The following TERF1 variants were observed in gnomAD, a reference collection of about 807,000 sequenced individuals.
TERF1 encodes the protein telomeric repeat binding factor 1.
Under a neutral mutation model 55.1 loss-of-function variants are expected in TERF1, and 20 were observed. The ratio of observed to expected loss-of-function variants is 0.36; its 90% confidence interval spans 0.26 to 0.53. The LOEUF (loss-of-function observed/expected upper bound fraction) is 0.53. Among genes scored for constraint, TERF1 ranks in the 20% least tolerant of loss-of-function variants. TERF1 has a pLI of 0.91. For missense variants in TERF1, 439 were observed against 535.7 expected (o/e 0.82, Z 1.78); for synonymous variants, 168 against 181.2 (o/e 0.93, Z 0.59).
intron 8 of TERF1, among the ~76,000 whole-genome samples, chr8:73,037,722 ATATT>A (rs1425065790): frequency 4.6e-5 from 4 of 87,666 alleles, no homozygotes; most frequent in African/African-American, 2.1e-4. Context: ...TATATAATAT[ATATT>A]ATATAGTATG....
At chr8:73,017,706 T>A (rs913598198) in intron 2 of TERF1, among the ~76,000 whole-genome samples, 1 of 141,250 alleles carries the variant, frequency 7.1e-6, no homozygotes, top group Non-Finnish European at 1.6e-5. Context: ...ATATTTTTTT[T>A]CTTTTTTTTT....
Position 73,024,802 on chromosome 8 carries a change from A to G in TERF1, c.625-20A>G, listed in dbSNP as rs1808908092. 1 of 1,513,848 alleles carries G rather than the reference A, an allele frequency of 6.6e-7. No homozygotes were observed. The highest frequency in any genetic ancestry group is 1.4e-5 in the African/African-American group (1 of 71,400). The allele number at this position is 1,513,848 out of a possible 1,614,324, so 93.8% of individuals were successfully genotyped here. On this transcript the variant is annotated intron_variant, in intron 4 of 9. Transcript: ENST00000276603. Reference sequence around the variant, plus strand: ...AACTTTGTGTGATTTATGTTAATATATTTCTTCTGTTTTCTTTAGCCTTTC... The same window carrying G: ...AACTTTGTGTGATTTATGTTAATATGTTTCTTCTGTTTTCTTTAGCCTTTC...
At chr8:73,037,828 G>GATA (rs1483956122) in intron 8 of TERF1, among the ~76,000 whole-genome samples, 2 of 77,796 alleles carry the variant, frequency 2.6e-5, no homozygotes, top group East Asian at 6.4e-4. Flanking sequence ...ATAATATATA[G>GATA]TATAATAATA....
intron 9 of TERF1, among the ~76,000 whole-genome samples, chr8:73,042,235 G>GAT (rs1242106395): frequency 6.6e-6 from 1 of 152,084 alleles, no homozygotes; most frequent in Non-Finnish European, 1.5e-5. Context: ...GTTATTTACA[G>GAT]ATATATATGA....
At chr8:73,009,830 A>G (rs1372368867) in intron 1 of TERF1, 2 of 152,334 alleles carry the variant, frequency 1.3e-5, no homozygotes, top group African/African-American at 4.8e-5. Context: ...GAATAAATAA[A>G]TGAATGAATG....
At chr8:73,026,659 C>A (rs749634503) in intron 5 of TERF1, among the ~76,000 whole-genome samples, 1 of 147,902 alleles carries the variant, frequency 6.8e-6, no homozygotes, top group Non-Finnish European at 1.5e-5. Context: ...TTTCATGCAG[C>A]CTTTTCTCTT....
Position 73,008,874 on chromosome 8 carries a change from C to G in TERF1, c.-13C>G. On this transcript the variant is annotated 5_prime_UTR_variant, in exon 1 of 10. Coordinates refer to ENST00000276603, the MANE Select transcript of TERF1 (RefSeq NM_017489.3). ...GGCGCCTGAAGGGGCAGTACCCAAG[C>G]GAGCCATTTAACATGGCGGAGGATG... is the stretch of plus-strand genomic sequence containing the variant. 1.3e-6 allele frequency: 2 copies of G among 1,594,086 alleles called. No individual in the cohort carries two copies. The highest frequency in any genetic ancestry group is 1.7e-6 in the Non-Finnish European group (2 of 1,171,424).
chr8:73,013,204 G>C (rs1808351715), intron 1 of TERF1, among the ~76,000 whole-genome samples: 1 of 152,160 alleles, frequency 6.6e-6, no homozygotes. Flanking sequence ...GGCACCTTCA[G>C]GTCTTAGGTT....
chr8:73,023,198 C>G (rs566747100), intron 4 of TERF1, among the ~76,000 whole-genome samples: 76 of 152,266 alleles, frequency 5.0e-4, no homozygotes, highest in African/African-American at 1.6e-3. Flanking sequence ...TGTGTACATA[C>G]TCAGTTTTAG....
intron 8 of TERF1, among the ~76,000 whole-genome samples, chr8:73,037,567 A>T (rs186140882): frequency 9.3e-6 from 1 of 107,914 alleles, no homozygotes; most frequent in Non-Finnish European, 1.8e-5. Flanking sequence ...GGGAAAATAT[A>T]TATATTTTTT....
At chr8:73,009,973 C>G (rs1430810099) in intron 1 of TERF1, 2 of 152,054 alleles carry the variant, frequency 1.3e-5, no homozygotes, top group Non-Finnish European at 2.9e-5. Context: ...GGTATCCTCC[C>G]GCTTCAGCTT....
chr8:73,019,218 G>T (rs1192639452), intron 2 of TERF1, among the ~76,000 whole-genome samples: 1 of 152,012 alleles, frequency 6.6e-6, no homozygotes, highest in Non-Finnish European at 1.5e-5. Context: ...TGGTGTGGGG[G>T]TGGGGGGAAG....
intron 1 of TERF1, chr8:73,013,049 A>G (rs1001209804): frequency 5.4e-6 from 2 of 371,332 alleles, no homozygotes; most frequent in Non-Finnish European, 1.1e-5. Context: ...GCATAAGATT[A>G]TGTTAGAATT....
intron 2 of TERF1, among the ~76,000 whole-genome samples, chr8:73,017,040 T>C (rs1808541708): frequency 6.6e-6 from 1 of 152,182 alleles, no homozygotes; most frequent in African/African-American, 2.4e-5. Flanking sequence ...TTTCTAGCTG[T>C]AGTGTGAGTG....
At chr8:73,031,955 G>T in intron 7 of TERF1, 87 bp from the exon 8 acceptor site, 1 of 892,586 alleles carries the variant, frequency 1.1e-6, no homozygotes, top group South Asian at 1.6e-5. Context: ...GAAGATCCTA[G>T]AACAGATTAA....
intron 2 of TERF1, among the ~76,000 whole-genome samples, chr8:73,014,412 C>T (rs1003773295): frequency 7.2e-6 from 1 of 139,240 alleles, no homozygotes; most frequent in Non-Finnish European, 1.6e-5. Context: ...TTTGTGGTGA[C>T]TCCAATCATA....
At chr8:73,030,558 C>T in intron 7 of TERF1, 163 bp downstream of exon 7, 1 of 478,290 alleles carries the variant, frequency 2.1e-6, no homozygotes, top group Non-Finnish European at 3.6e-6. Flanking sequence ...TCTTGAAATT[C>T]CAAACTGTAG....
intron 5 of TERF1, among the ~76,000 whole-genome samples, chr8:73,025,537 G>T (rs758393722): frequency 6.6e-6 from 1 of 151,880 alleles, no homozygotes. Flanking sequence ...TGAATCACAC[G>T]GTCAGGCGGA....
In TERF1 at chr8:73,013,462, GCA is replaced by G; in HGVS notation, c.320-432_320-431del. ...ACTGCCTGACTCAACATCTGGGTGG[GCA>G]TTCAAGTTTGGGGAGGTTAATATTA... On this transcript the variant is annotated intron_variant, in intron 1 of 9. Coordinates refer to ENST00000276603, the MANE Select transcript of TERF1 (RefSeq NM_017489.3). Among the ~76,000 whole-genome samples the G allele has an allele frequency of 3.9e-5, 6 of 152,272 alleles. 1 individual carries two copies. The highest frequency in any genetic ancestry group is 3.9e-4 in the Admixed American group (6 of 15,294).
Sources: allele counts gnomAD v4.1 joint callset (sites outside exome capture counted in the v4.1 genomes callset), GRCh38; gene constraint gnomAD v4.1.1; transcripts MANE v1.5; gene names NCBI Gene and HGNC (gene_info 2026-07-23, HGNC 2026-07-21).